Variants in UBE3A observed in about 807,000 individuals in gnomAD.
UBE3A encodes ubiquitin protein ligase E3A.
UBE3A carries 6 observed loss-of-function variants against 83.4 expected under a neutral mutation model. The observed-to-expected ratio is 0.07, with a 90% CI of 0.04 to 0.14. UBE3A has a LOEUF of 0.14. Ranked by LOEUF, UBE3A falls within the 10% of genes least tolerant of loss-of-function variation. The pLI, the probability that UBE3A is intolerant of heterozygous loss-of-function variation, is 1.00. For synonymous variants in UBE3A, 337 were observed against 355.4 expected (o/e 0.95, Z 0.58); for missense variants, 456 against 1,036.1 (o/e 0.44, Z 7.69).
intron 3 of UBE3A, among the ~76,000 whole-genome samples, chr15:25,406,552 C>T (rs2088593190): frequency 6.6e-6 from 1 of 151,746 alleles, no homozygotes; most frequent in Non-Finnish European, 1.5e-5. Context: ...TTAGAAATTC[C>T]CAAACTAGAT....
intron 4 of UBE3A, among the ~76,000 whole-genome samples, chr15:25,386,947 GAA>G (rs1252014503): frequency 1.3e-5 from 2 of 152,082 alleles, no homozygotes; most frequent in African/African-American, 4.8e-5. Flanking sequence ...TTCAGAAACT[GAA>G]ATCTACATAT....
At chr15:25,390,322 G>A (rs2084058908) in intron 4 of UBE3A, among the ~76,000 whole-genome samples, 1 of 151,636 alleles carries the variant, frequency 6.6e-6, no homozygotes, top group Admixed American at 6.6e-5. Flanking sequence ...GAAAACCTAA[G>A]TCCACACAAA....
chr15:25,350,479 C>T (rs1595518562), intron 11 of UBE3A, among the ~76,000 whole-genome samples: 1 of 152,042 alleles, frequency 6.6e-6, no homozygotes, highest in African/African-American at 2.4e-5. Flanking sequence ...ATAAGACATA[C>T]TGCTATATTT....
intron 4 of UBE3A, among the ~76,000 whole-genome samples, chr15:25,398,722 G>A (rs1399809162): frequency 7.1e-6 from 1 of 140,984 alleles, no homozygotes; most frequent in Non-Finnish European, 1.5e-5. Flanking sequence ...GATACCGAAA[G>A]GAACATGGGA....
intron 4 of UBE3A, among the ~76,000 whole-genome samples, chr15:25,396,534 G>C (rs2085613536): frequency 6.6e-6 from 1 of 152,142 alleles, no homozygotes; most frequent in African/African-American, 2.4e-5. Flanking sequence ...GAGGCATGAG[G>C]ATCACTTGAG....
intron 11 of UBE3A, among the ~76,000 whole-genome samples, chr15:25,344,946 A>G (rs999050391): frequency 6.6e-6 from 1 of 152,154 alleles, no homozygotes; most frequent in African/African-American, 2.4e-5. Context: ...TGGCAACGAC[A>G]TAGTTATTAT....
Position 25,438,479 on chromosome 15 carries a change from C to CA in UBE3A, c.-165+9dup, listed in dbSNP as rs1444341871. 2.6e-5 allele frequency: 4 copies of CA among 152,236 alleles called. No homozygotes were observed. Among genetic ancestry groups the CA allele is most frequent in the African/African-American group, 9.7e-5 (4 of 41,442 alleles). 9.4% of individuals were successfully genotyped at this position (152,236 alleles called of 1,614,324 possible). On this transcript the variant is annotated intron_variant, in intron 1 of 12. Coordinates refer to ENST00000648336, the MANE Select transcript of UBE3A (RefSeq NM_130839.5). ...CAGCGCCGCCTGGCGCAGGCCGCGG[C>CA]AACACTGACCTGTCGTCGCCCCCGC...
rs980104462 is a variant in UBE3A, at chr15:25,338,560, T to C, written c.*577A>G. 2.6e-5 allele frequency: 4 copies of C among 152,100 alleles called. No individual in the cohort carries two copies. Among genetic ancestry groups the C allele is most frequent in the African/African-American group, 7.2e-5 (3 of 41,440 alleles). 9.4% of individuals were successfully genotyped at this position (152,100 alleles called of 1,614,324 possible). A position where few individuals can be genotyped will look rare whatever the true frequency, so the allele number is the denominator to read the frequency against. Reference sequence around the variant, plus strand: ...CTCAAGATTTTGCACAGAAAACTCTTTGGGGGCTAGAACAGCAGTAATTGC... The same window carrying C: ...CTCAAGATTTTGCACAGAAAACTCTCTGGGGGCTAGAACAGCAGTAATTGC... On this transcript the variant is annotated 3_prime_UTR_variant, in exon 13 of 13. Transcript: ENST00000648336.
At chr15:25,407,152 T>A (rs557397385) in intron 3 of UBE3A, 63 of 1,349,636 alleles carry the variant, frequency 4.7e-5, no homozygotes, top group Middle Eastern at 2.1e-4. Flanking sequence ...AAATTGATGA[T>A]AACCCCATGT....
intron 4 of UBE3A, among the ~76,000 whole-genome samples, chr15:25,380,805 A>C (rs1321273241): frequency 6.6e-6 from 1 of 152,232 alleles, no homozygotes; most frequent in Non-Finnish European, 1.5e-5. Flanking sequence ...AATAAAACAA[A>C]CTTTTCTTAT....
chr15:25,402,995 G>A (rs1263458922), intron 4 of UBE3A, among the ~76,000 whole-genome samples: 1 of 152,058 alleles, frequency 6.6e-6, no homozygotes, highest in Non-Finnish European at 1.5e-5. Context: ...TTCCAATCAT[G>A]GCCATCATCC....
chr15:25,339,119 ATTTTGTTTTGTTTTG>A lies in UBE3A; in HGVS notation c.*3_*17del, dbSNP rs587782926. The A allele has an allele frequency of 6.3e-6, 9 of 1,429,944 alleles. No individual in the cohort carries two copies. The highest frequency in any genetic ancestry group is 2.7e-5 in the Admixed American group (1 of 36,678). 88.6% of individuals were successfully genotyped at this position (1,429,944 alleles called of 1,614,324 possible). A position where few individuals can be genotyped will look rare whatever the true frequency, so the allele number is the denominator to read the frequency against. ...TTTTTTCCTTCCTTTTTTTTGTTTT[ATTTTGTTTTGTTTTG>A]TTTTACAGCATGCCAAATCCTTTGG... On this transcript the variant is annotated 3_prime_UTR_variant, in exon 13 of 13. Transcript: ENST00000648336.
At chr15:25,372,974 A>G (rs148467824) in intron 5 of UBE3A, among the ~76,000 whole-genome samples, 4,378 of 152,272 alleles carry the variant, frequency 0.029, 86 homozygotes, top group Middle Eastern at 0.061. Flanking sequence ...TGAAGCACAA[A>G]AATACCAAAT....
intron 11 of UBE3A, chr15:25,345,587 C>G (rs552545578): frequency 6.6e-6 from 1 of 151,940 alleles, no homozygotes; most frequent in Admixed American, 6.5e-5. Flanking sequence ...CACACACACA[C>G]ACAAATAAAT....
chr15:25,423,827 A>G (rs1890534780), intron 1 of UBE3A, among the ~76,000 whole-genome samples: 1 of 152,176 alleles, frequency 6.6e-6, no homozygotes, highest in South Asian at 2.1e-4. Context: ...AAACTTTGGC[A>G]TCATGTTTTA....
chr15:25,345,525 G>T (rs2075533328), intron 11 of UBE3A: 1 of 151,190 alleles, frequency 6.6e-6, no homozygotes, highest in Admixed American at 6.6e-5. Context: ...AGTTATCCTG[G>T]CCCATCTCTC....
chr15:25,394,366 G>A (rs1412394634), intron 4 of UBE3A, among the ~76,000 whole-genome samples: 2 of 151,980 alleles, frequency 1.3e-5, no homozygotes, highest in East Asian at 1.9e-4. Context: ...TCCTGGTTTC[G>A]AGTATACTGG....
In UBE3A at chr15:25,382,772, C is replaced by T. The variant is rs187067725; in HGVS notation, c.63-7009G>A. Among the ~76,000 whole-genome samples the T allele has an allele frequency of 4.4e-3, 664 of 152,102 alleles. 2 individuals are homozygous for T. Among genetic ancestry groups the T allele is most frequent in the Middle Eastern group, 0.024 (7 of 294 alleles). On this transcript the variant is annotated intron_variant, in intron 4 of 12. Coordinates refer to ENST00000648336, the MANE Select transcript of UBE3A (RefSeq NM_130839.5). Reference sequence around the variant, plus strand: ...ACTGGAAATTAGAAAGGCGATACAACAACTGCTGCCACAGAAATAAATAGG... The same window carrying T: ...ACTGGAAATTAGAAAGGCGATACAATAACTGCTGCCACAGAAATAAATAGG...
intron 4 of UBE3A, among the ~76,000 whole-genome samples, chr15:25,396,388 T>C (rs1471961612): frequency 6.6e-6 from 1 of 151,726 alleles, no homozygotes; most frequent in Non-Finnish European, 1.5e-5. Context: ...AAGGATTACT[T>C]TGGGGCCAAG....
Sources: allele counts gnomAD v4.1 joint callset (sites outside exome capture counted in the v4.1 genomes callset), GRCh38; gene constraint gnomAD v4.1.1; transcripts MANE v1.5; gene names NCBI Gene and HGNC (gene_info 2026-07-23, HGNC 2026-07-21).